The following PPARGC1A variants were observed in gnomAD, a reference collection of about 807,000 sequenced individuals.
PPARGC1A encodes PPARG coactivator 1 alpha, also known as peroxisome proliferator-activated receptor gamma coactivator 1-alpha.
A neutral mutation model predicts 88.7 loss-of-function variants in PPARGC1A; 25 were observed. The observed-to-expected ratio is 0.28, with a 90% CI of 0.21 to 0.39. PPARGC1A has a LOEUF of 0.39. Ranked by LOEUF, PPARGC1A falls within the 10% of genes least tolerant of loss-of-function variation. PPARGC1A has a pLI of 1.00. For missense variants in PPARGC1A, 880 were observed against 968.7 expected (o/e 0.91, Z 1.22); for synonymous variants, 363 against 355.6 (o/e 1.02, Z -0.24).
intron 2 of PPARGC1A, among the ~76,000 whole-genome samples, chr4:23,845,021 T>C (rs912010989): frequency 2.0e-5 from 3 of 150,356 alleles, no homozygotes; most frequent in Admixed American, 6.7e-5. Flanking sequence ...TTGCAATGAG[T>C]AAGAAATTAC....
the PPARGC1A span, among the ~76,000 whole-genome samples, chr4:24,202,231 T>C: frequency 6.6e-6 from 1 of 152,202 alleles, no homozygotes; most frequent in South Asian, 2.1e-4. Context: ...ATGTTTCTAG[T>C]TTCACTGCAA....
At chr4:23,902,359 G>A (rs1336408850), upstream of PPARGC1A, among the ~76,000 whole-genome samples, 2 of 152,124 alleles carry the variant, frequency 1.3e-5, no homozygotes, top group Non-Finnish European at 2.9e-5. Flanking sequence ...CAGAGCCCCA[G>A]CAATGCACAA....
the PPARGC1A span, among the ~76,000 whole-genome samples, chr4:24,425,893 G>C: frequency 1.3e-5 from 2 of 152,124 alleles, no homozygotes; most frequent in Non-Finnish European, 2.9e-5. Context: ...AATGAAAGTT[G>C]ACTAAAGCTA....
chr4:23,863,733 G>A (rs1175496217), intron 2 of PPARGC1A, among the ~76,000 whole-genome samples: 2 of 152,220 alleles, frequency 1.3e-5, no homozygotes, highest in Non-Finnish European at 2.9e-5. Context: ...TCTACACCTT[G>A]AAGATCTGTA....
At chr4:24,197,284 A>T in the PPARGC1A span, among the ~76,000 whole-genome samples, 1 of 152,216 alleles carries the variant, frequency 6.6e-6, no homozygotes, top group African/African-American at 2.4e-5. Context: ...GGTCATTTTT[A>T]TCACATTGTG....
At chr4:24,136,393 T>C in the PPARGC1A span, among the ~76,000 whole-genome samples, 2 of 152,198 alleles carry the variant, frequency 1.3e-5, no homozygotes, top group African/African-American at 4.8e-5. Flanking sequence ...TCACTAAACT[T>C]GTAAACACGC....
chr4:23,825,684 C>T (rs1723796759), intron 5 of PPARGC1A, among the ~76,000 whole-genome samples: 1 of 151,970 alleles, frequency 6.6e-6, no homozygotes, highest in Non-Finnish European at 1.5e-5. Context: ...TCCAAATTAA[C>T]CTGAAATTAG....
At chr4:24,159,007 T>A in the PPARGC1A span, among the ~76,000 whole-genome samples, 1 of 152,168 alleles carries the variant, frequency 6.6e-6, no homozygotes, top group Non-Finnish European at 1.5e-5. Flanking sequence ...CTTAGTGGTA[T>A]GTACAATAAC....
chr4:24,324,393 A>G, the PPARGC1A span, among the ~76,000 whole-genome samples: 11 of 147,960 alleles, frequency 7.4e-5, no homozygotes, highest in African/African-American at 2.7e-4. Flanking sequence ...TCCATGCCCC[A>G]ACCCCTTCTC....
chr4:24,448,235 G>A, the PPARGC1A span, among the ~76,000 whole-genome samples: 4 of 152,178 alleles, frequency 2.6e-5, no homozygotes, highest in Admixed American at 6.5e-5. Flanking sequence ...CGTTTGAGGA[G>A]CCCACGTCAG....
the PPARGC1A span, among the ~76,000 whole-genome samples, chr4:24,051,870 T>C: frequency 2.0e-5 from 3 of 151,252 alleles, no homozygotes; most frequent in Non-Finnish European, 4.4e-5. Context: ...CACCGAGGCA[T>C]TGAGCATGGA....
chr4:24,402,159 C>T, the PPARGC1A span, among the ~76,000 whole-genome samples: 3 of 152,196 alleles, frequency 2.0e-5, no homozygotes, highest in Non-Finnish European at 4.4e-5. Flanking sequence ...GCCTGCTTGA[C>T]TCCATCCTAC....
At chr4:23,926,435 A>C in the PPARGC1A span, among the ~76,000 whole-genome samples, 12 of 152,250 alleles carry the variant, frequency 7.9e-5, no homozygotes, top group East Asian at 3.9e-4. Flanking sequence ...TCCATGATGA[A>C]TGTCCTAGTT....
chr4:23,922,647 G>A, the PPARGC1A span, among the ~76,000 whole-genome samples: 1 of 152,178 alleles, frequency 6.6e-6, no homozygotes, highest in African/African-American at 2.4e-5. Flanking sequence ...CTTTCTGTGT[G>A]TTTGTTTGGT....
chr4:24,311,059 CAT>C, the PPARGC1A span, among the ~76,000 whole-genome samples: 2 of 143,680 alleles, frequency 1.4e-5, no homozygotes, highest in South Asian at 4.5e-4. Context: ...AGATATACGA[CAT>C]AGAATAGTAA....
chr4:24,274,320 C>A, the PPARGC1A span, among the ~76,000 whole-genome samples: 1 of 152,128 alleles, frequency 6.6e-6, no homozygotes, highest in Non-Finnish European at 1.5e-5. Context: ...TAGTACAGGG[C>A]TTTCTGATAT....
At chr4:24,395,604 G>A in the PPARGC1A span, among the ~76,000 whole-genome samples, 18 of 152,342 alleles carry the variant, frequency 1.2e-4, no homozygotes, top group African/African-American at 4.3e-4. Flanking sequence ...CCATGCTACT[G>A]TGGAAATAGG....
the PPARGC1A span, among the ~76,000 whole-genome samples, chr4:24,433,441 C>T: frequency 6.6e-6 from 1 of 152,078 alleles, no homozygotes; most frequent in Admixed American, 6.5e-5. Context: ...GGTTTTATTC[C>T]GGCCTACAAG....
chr4:23,824,433 C>A (rs777438526), intron 6 of PPARGC1A, 30 bp downstream of exon 6: 1 of 1,606,796 alleles, frequency 6.2e-7, no homozygotes, highest in East Asian at 2.2e-5. Flanking sequence ...CCTTCCCTTT[C>A]AGAAAATGGT....
Sources: gnomAD v4.1 joint callset for allele counts (sites outside exome capture counted in the v4.1 genomes callset) on GRCh38, gnomAD v4.1.1 for gene constraint, MANE v1.5 for transcripts, NCBI Gene and HGNC (gene_info 2026-07-23, HGNC 2026-07-21) for gene names.